COL28A1: variants seen among roughly 807,000 people sequenced by gnomAD.
The protein encoded by COL28A1 is collagen alpha-1(XXVIII) chain.
COL28A1 carries 161 observed loss-of-function variants against 150.2 expected under a neutral mutation model. The ratio of observed to expected loss-of-function variants is 1.07; its 90% CI spans 0.94 to 1.22. The LOEUF (loss-of-function observed/expected upper bound fraction) is 1.22. COL28A1 is among the 50% of genes most tolerant of loss of function. COL28A1 has a pLI of 0.00. For missense variants in COL28A1, 1,617 were observed against 1,388.3 expected, an observed-to-expected ratio of 1.16 and a Z score of -2.62; for synonymous variants, 552 against 469.7, an observed-to-expected ratio of 1.18 and a Z score of -2.26.
chr7:7,430,855 C>A (rs977511282), intron 25 of COL28A1, among the ~76,000 whole-genome samples: 7 of 152,132 alleles, frequency 4.6e-5, no homozygotes, highest in Admixed American at 4.6e-4. Flanking sequence ...GAGGCTTATT[C>A]AAGGATCTGA....
chr7:7,386,154 T>C (rs1001265542), intron 27 of COL28A1, among the ~76,000 whole-genome samples: 2 of 152,244 alleles, frequency 1.3e-5, no homozygotes, highest in Non-Finnish European at 2.9e-5. Context: ...AGATGACTGC[T>C]TGTTCTCTGG....
In COL28A1 at chr7:7,477,160, T is replaced by A; in HGVS notation, c.1185A>T (p.Gly395=). The change falls in exon 14 of 35, where the codon GGA becomes GGT. Residue 395 remains glycine (G), a synonymous_variant. Transcript: ENST00000399429. ...CGGGTAAGCCCCTCTCTCCTGGTACTCCCTCAGGACCACGGGGACCCTGGT... is the reference window on the plus strand; with the variant it reads ...CGGGTAAGCCCCTCTCTCCTGGTACACCCTCAGGACCACGGGGACCCTGGT... ...PGQPGPRGPE[G]VPGERGLPGE... 1 of 1,316,876 alleles carries A rather than the reference T, an allele frequency of 7.6e-7. No homozygotes were observed. The highest frequency in any genetic ancestry group is 1.1e-6 in the Non-Finnish European group (1 of 908,480). The allele number at this position is 1,316,876 out of a possible 1,614,324, so 81.6% of individuals were successfully genotyped here.
At chr7:7,451,839 ATTC>A (rs1422614077) in intron 18 of COL28A1, among the ~76,000 whole-genome samples, 1 of 152,168 alleles carries the variant, frequency 6.6e-6, no homozygotes, top group African/African-American at 2.4e-5. Flanking sequence ...TAACATGTAT[ATTC>A]TTCTTAGACC....
intron 27 of COL28A1, among the ~76,000 whole-genome samples, chr7:7,387,011 C>A (rs1420917792): frequency 2.6e-5 from 4 of 152,142 alleles, no homozygotes; most frequent in South Asian, 2.1e-4. Flanking sequence ...CTCCCTGGGG[C>A]CTCCTTTATA....
At chr7:7,506,090 A>C (rs1780793734) in intron 10 of COL28A1, 23 bp from the exon 11 acceptor site, 2 of 1,197,218 alleles carry the variant, frequency 1.7e-6, no homozygotes, top group Non-Finnish European at 2.5e-6. Flanking sequence ...GAAAACCAAG[A>C]ATTAGTTCTG....
At chr7:7,359,074 T>C (rs1780489102) in intron 34 of COL28A1, among the ~76,000 whole-genome samples, 1 of 152,140 alleles carries the variant, frequency 6.6e-6, no homozygotes, top group Non-Finnish European at 1.5e-5. Flanking sequence ...TTTATTTCCC[T>C]GAAAGCCTAA....
chr7:7,477,172 A>C lies in COL28A1; in HGVS notation c.1173T>G (p.Arg391=). ...GVGEPGQPGP[R]GPEGVPGERG... ...TCTCTCCTGGTACTCCCTCAGGACCACGGGGACCCTGGTTAGGATAGGAGA... is the reference window on the plus strand; with the variant it reads ...TCTCTCCTGGTACTCCCTCAGGACCCCGGGGACCCTGGTTAGGATAGGAGA... The change falls in exon 14 of 35, where the codon CGT becomes CGG. Residue 391 remains arginine, a synonymous_variant. Coordinates refer to ENST00000399429, the MANE Select transcript of COL28A1 (RefSeq NM_001037763.3). 1 of 1,250,010 alleles carries C rather than the reference A, an allele frequency of 8.0e-7. No homozygotes were observed. Among genetic ancestry groups the C allele is most frequent in the South Asian group, 1.2e-5 (1 of 83,940 alleles). The allele number at this position is 1,250,010 out of a possible 1,614,324, so 77.4% of individuals were successfully genotyped here.
rs1583568675 is a variant in COL28A1 at position 7,524,172 on chromosome 7, A to C, written c.702+57T>G. On this transcript the variant is annotated intron_variant, in intron 4 of 34. Transcript: ENST00000399429. ...TCTTCTAATGTGAATTATAATGCTG[A>C]TTTGATAATGCAAGTGTTTGGAGTA... is the stretch of plus-strand genomic sequence containing the variant. 4.4e-6 allele frequency: 4 copies of C among 911,042 alleles called. No homozygotes were observed. In the East Asian group the frequency reaches 9.6e-5, roughly 22 times the overall value. The allele number at this position is 911,042 out of a possible 1,614,324, so 56.4% of individuals were successfully genotyped here.
chr7:7,497,094 A>AAGGAAGGAAGGAAGG (rs1562834256), intron 11 of COL28A1, among the ~76,000 whole-genome samples: 35 of 123,852 alleles, frequency 2.8e-4, no homozygotes, highest in African/African-American at 8.3e-4. Flanking sequence ...AGGAAGGAAG[A>AAGGAAGGAAGGAAGG]AAGGAAGGAA....
rs763064730 is a variant in COL28A1, at chr7:7,502,691, CTTTTTTTTTTTTTTTT to C, written c.1026+3307_1026+3322del. 2.7e-5 allele frequency among the ~76,000 whole-genome samples: 2 copies of C among 73,928 alleles called. 1 individual carries two copies. The highest frequency in any genetic ancestry group is 2.1e-4 in the African/African-American group (2 of 9,684). 48.5% of individuals were successfully genotyped at this position (73,928 alleles called of 152,430 possible). On this transcript the variant is annotated intron_variant, in intron 11 of 34. Transcript: ENST00000399429. ...TTCTTTCTCCCAAGATATTCCCTTC[CTTTTTTTTTTTTTTTT>C]TTTTTTTTGAGACGGAGTCTTGCTC...
intron 25 of COL28A1, 37 bp downstream of exon 25, chr7:7,432,436 C>T (rs1268125789): frequency 6.3e-7 from 1 of 1,586,172 alleles, no homozygotes; most frequent in African/African-American, 1.3e-5. Flanking sequence ...TAGGTGCACT[C>T]TTAGAAGCTA....
chr7:7,510,088 A>C (rs1781040887), intron 9 of COL28A1, among the ~76,000 whole-genome samples: 1 of 152,192 alleles, frequency 6.6e-6, no homozygotes, highest in Admixed American at 6.5e-5. Flanking sequence ...ATAACATAGA[A>C]ACTGAAAAAG....
intron 18 of COL28A1, among the ~76,000 whole-genome samples, chr7:7,451,471 G>T (rs1005321799): frequency 6.6e-6 from 1 of 152,034 alleles, no homozygotes; most frequent in Non-Finnish European, 1.5e-5. Flanking sequence ...TGATCCACCC[G>T]CCTTGGCCTC....
intron 30 of COL28A1, among the ~76,000 whole-genome samples, chr7:7,379,648 G>A (rs1028367403): frequency 6.6e-6 from 1 of 152,160 alleles, no homozygotes; most frequent in Non-Finnish European, 1.5e-5. Flanking sequence ...TCCAATAAAG[G>A]TTGGTGAAAT....
At chr7:7,461,406 G>A (rs537581314) in intron 15 of COL28A1, among the ~76,000 whole-genome samples, 4 of 152,292 alleles carry the variant, frequency 2.6e-5, no homozygotes, top group South Asian at 2.1e-4. Context: ...AGGAAAGGGC[G>A]TGAATCCAGT....
downstream of COL28A1, among the ~76,000 whole-genome samples, chr7:7,352,081 A>G (rs117115156): frequency 6.0e-4 from 91 of 152,256 alleles, no homozygotes; most frequent in Middle Eastern, 6.8e-3. Flanking sequence ...ACTCATTGAT[A>G]TATCCCTTCT....
upstream of COL28A1, among the ~76,000 whole-genome samples, chr7:7,538,903 G>A (rs13239942): frequency 0.54 from 82,197 of 151,154 alleles, 24,567 homozygotes; most frequent in Admixed American, 0.68. Context: ...AATGACCTTC[G>A]TACCTGATTT....
At chr7:7,517,634 AC>A (rs775492816) in intron 7 of COL28A1, among the ~76,000 whole-genome samples, 161 bp downstream of exon 7, 4 of 152,218 alleles carry the variant, frequency 2.6e-5, no homozygotes, top group South Asian at 4.1e-4. Flanking sequence ...CCACATTTCC[AC>A]TTCTAAGATC....
intron 14 of COL28A1, 88 bp from the exon 15 acceptor site, chr7:7,474,757 C>T (rs1451396768): frequency 4.0e-6 from 3 of 749,898 alleles, no homozygotes; most frequent in Non-Finnish European, 7.0e-6. Context: ...AATTGTGCTT[C>T]AAAATTATTT....
Sources: allele counts gnomAD v4.1 joint callset (sites outside exome capture counted in the v4.1 genomes callset), GRCh38; gene constraint gnomAD v4.1.1; transcripts MANE v1.5; gene names NCBI Gene and HGNC (gene_info 2026-07-23, HGNC 2026-07-21).